The following SPRED2 variants were observed in gnomAD, a reference collection of about 807,000 sequenced individuals.
The protein encoded by SPRED2 is sprouty related EVH1 domain containing 2.
Under a neutral mutation model 43.0 loss-of-function variants are expected in SPRED2, and 47 were observed. That is an observed-to-expected ratio of 1.09 (90% CI 0.87 to 1.40). SPRED2 has a LOEUF of 1.40. Ranked by LOEUF, SPRED2 falls within the 40% of genes most tolerant of loss-of-function variation. The probability of loss-of-function intolerance (pLI) is 0.00; values close to 1 mark genes in which losing one functional copy is unlikely to be tolerated. For missense variants in SPRED2, 561 were observed against 586.4 expected (o/e 0.96, Z 0.45); for synonymous variants, 225 against 225.7 (o/e 1.00, Z 0.03).
chr2:65,343,601 C>CTTT (rs1674253025), intron 2 of SPRED2, among the ~76,000 whole-genome samples: 1 of 152,284 alleles, frequency 6.6e-6, no homozygotes, highest in Admixed American at 6.5e-5. Flanking sequence ...CATTCTGAAT[C>CTTT]ATCTGTTGGC....
intron 1 of SPRED2, among the ~76,000 whole-genome samples, chr2:65,390,262 T>C (rs11892868): frequency 0.047 from 7,179 of 152,256 alleles, 602 homozygotes; most frequent in African/African-American, 0.16. Flanking sequence ...CACAAGACCA[T>C]GTAGCAAAAC....
chr2:65,362,418 C>T (rs1489103878), intron 1 of SPRED2, among the ~76,000 whole-genome samples: 6 of 152,024 alleles, frequency 3.9e-5, no homozygotes, highest in South Asian at 4.1e-4. Context: ...TACAGGCGCC[C>T]GACACCACGC....
intron 1 of SPRED2, among the ~76,000 whole-genome samples, chr2:65,389,530 TTG>T (rs1404166225): frequency 6.6e-6 from 1 of 152,224 alleles, no homozygotes; most frequent in African/African-American, 2.4e-5. Flanking sequence ...CCAAACTTTG[TTG>T]TGTTATTTGT....
chr2:65,324,745 G>A (rs892241250), intron 4 of SPRED2, among the ~76,000 whole-genome samples: 5 of 152,162 alleles, frequency 3.3e-5, no homozygotes, highest in African/African-American at 1.2e-4. Flanking sequence ...ACGAGCTGAG[G>A]AGACAGGTTG....
intron 3 of SPRED2, among the ~76,000 whole-genome samples, chr2:65,333,374 A>G (rs1051701342): frequency 2.8e-4 from 43 of 152,180 alleles, no homozygotes; most frequent in Admixed American, 2.8e-3. Flanking sequence ...ACTGCAGGAG[A>G]AAAAACAACA....
intron 4 of SPRED2, among the ~76,000 whole-genome samples, chr2:65,326,997 T>C (rs1393906163): frequency 2.4e-4 from 37 of 152,040 alleles, no homozygotes; most frequent in Admixed American, 2.4e-3. Flanking sequence ...CACATCACCA[T>C]GCCTGGCTAA....
intron 4 of SPRED2, among the ~76,000 whole-genome samples, chr2:65,319,622 C>T (rs1474736338): frequency 1.3e-5 from 2 of 152,214 alleles, no homozygotes; most frequent in Non-Finnish European, 2.9e-5. Context: ...ACAGGCACCA[C>T]ACTCCTGGCT....
chr2:65,403,607 C>G (rs1324575294), intron 1 of SPRED2, among the ~76,000 whole-genome samples: 1 of 152,150 alleles, frequency 6.6e-6, no homozygotes, highest in Non-Finnish European at 1.5e-5. Context: ...CCTCAAAATA[C>G]TAAAGACTAA....
rs370571490 is a variant in SPRED2, at chr2:65,432,034, C to T, written c.-47G>A. 6.2e-7 allele frequency: 1 copy of T among 1,612,296 alleles called. No homozygotes were observed. The highest frequency in any genetic ancestry group is 1.3e-5 in the African/African-American group (1 of 74,934). On this transcript the variant is annotated 5_prime_UTR_variant, in exon 1 of 6. Transcript: ENST00000356388. ...TGTCCCGCGGCGGGCAGCTTTGCTC[C>T]CTTCATCTTCCTGTCCGCTCGCCCC...
chr2:65,388,218 G>C (rs1400658778), intron 1 of SPRED2, among the ~76,000 whole-genome samples: 1 of 152,248 alleles, frequency 6.6e-6, no homozygotes, highest in African/African-American at 2.4e-5. Flanking sequence ...TTTTAATAAA[G>C]CGTGTATGGG....
At chr2:65,400,170 C>T (rs1675851107) in intron 1 of SPRED2, among the ~76,000 whole-genome samples, 1 of 152,122 alleles carries the variant, frequency 6.6e-6, no homozygotes, top group African/African-American at 2.4e-5. Flanking sequence ...ACAATCCTCC[C>T]CCTCAATCCT....
Position 65,432,076 on chromosome 2 carries a change from G to T in SPRED2, c.-89C>A. 1 of 1,548,874 alleles carries T rather than the reference G, an allele frequency of 6.5e-7. No homozygotes were observed. The highest frequency in any genetic ancestry group is 8.9e-7 in the Non-Finnish European group (1 of 1,128,708). Reference sequence around the variant, plus strand: ...GCTCGCCCCCCTTCTTCACATCTCCGGAGATCGCCTGATTTGGGGAGGGGG... The same window carrying T: ...GCTCGCCCCCCTTCTTCACATCTCCTGAGATCGCCTGATTTGGGGAGGGGG... On this transcript the variant is annotated 5_prime_UTR_variant, in exon 1 of 6. Coordinates refer to ENST00000356388, the MANE Select transcript of SPRED2 (RefSeq NM_181784.3).
intron 1 of SPRED2, among the ~76,000 whole-genome samples, chr2:65,355,106 G>A (rs1460084957): frequency 6.6e-6 from 1 of 152,286 alleles, no homozygotes. Context: ...AAAACTCTTT[G>A]CTCTAATCCT....
chr2:65,427,905 A>C (rs1676592321), intron 1 of SPRED2, among the ~76,000 whole-genome samples: 1 of 152,230 alleles, frequency 6.6e-6, no homozygotes, highest in Non-Finnish European at 1.5e-5. Context: ...AGTTACTCAC[A>C]GGATGACCTT....
intron 2 of SPRED2, among the ~76,000 whole-genome samples, chr2:65,338,711 G>T (rs1286028595): frequency 1.3e-5 from 2 of 151,802 alleles, no homozygotes; most frequent in African/African-American, 2.4e-5. Flanking sequence ...GCCTCTGCCC[G>T]GCCGCCACCC....
At chr2:65,327,713 C>CTTTTTTTT (rs555549300) in intron 4 of SPRED2, among the ~76,000 whole-genome samples, 90 of 74,462 alleles carry the variant, frequency 1.2e-3, no homozygotes, top group Non-Finnish European at 1.4e-3. Flanking sequence ...TTCTTTCTTT[C>CTTTTTTTT]TTTTTTTTTT....
chr2:65,357,872 C>T (rs1020655529), intron 1 of SPRED2, among the ~76,000 whole-genome samples: 6 of 152,070 alleles, frequency 3.9e-5, no homozygotes, highest in African/African-American at 9.7e-5. Context: ...GGTGAGGCAC[C>T]CCAAACTCTT....
At chr2:65,339,315 C>T (rs971178544) in intron 2 of SPRED2, among the ~76,000 whole-genome samples, 2 of 151,832 alleles carry the variant, frequency 1.3e-5, no homozygotes, top group African/African-American at 2.4e-5. Context: ...ATTGAGAAAT[C>T]GGATGGTTGC....
intron 2 of SPRED2, among the ~76,000 whole-genome samples, chr2:65,338,800 T>C (rs1227774340): frequency 6.7e-6 from 1 of 149,172 alleles, no homozygotes; most frequent in East Asian, 2.0e-4. Flanking sequence ...GGCTGCCCAG[T>C]CTGGAAAGTG....
Sources: allele counts gnomAD v4.1 joint callset (sites outside exome capture counted in the v4.1 genomes callset), GRCh38; gene constraint gnomAD v4.1.1; transcripts MANE v1.5; gene names NCBI Gene and HGNC (gene_info 2026-07-23, HGNC 2026-07-21).